Variants in NDUFAF2 observed in about 807,000 individuals in gnomAD.
The protein encoded by NDUFAF2 is NADH:ubiquinone oxidoreductase complex assembly factor 2.
In NDUFAF2, 13 loss-of-function variants were observed where a neutral mutation model predicts 22.8. The observed-to-expected ratio is 0.57, with a 90% confidence interval of 0.37 to 0.91. NDUFAF2 has a LOEUF of 0.91. NDUFAF2 is among the 40% of genes least tolerant of loss of function. NDUFAF2 has a pLI of 0.01. For missense variants in NDUFAF2, 162 were observed against 195.2 expected, an observed-to-expected ratio of 0.83 and a Z score of 1.01; for synonymous variants, 53 against 64.2, an observed-to-expected ratio of 0.83 and a Z score of 0.84.
intron 3 of NDUFAF2, among the ~76,000 whole-genome samples, chr5:61,121,819 C>CCTTTT (rs1366409144): frequency 6.7e-6 from 1 of 149,690 alleles, no homozygotes; most frequent in African/African-American, 2.4e-5. Context: ...TCTTTTCTTT[C>CCTTTT]CTTTTCTTTT....
intron 1 of NDUFAF2, among the ~76,000 whole-genome samples, chr5:61,059,497 A>G (rs1580117154): frequency 6.6e-6 from 1 of 152,238 alleles, no homozygotes; most frequent in East Asian, 1.9e-4. Flanking sequence ...GGACATTTTC[A>G]CTAATATAGG....
chr5:61,141,338 A>C (rs1741054479), intron 3 of NDUFAF2, among the ~76,000 whole-genome samples: 1 of 152,064 alleles, frequency 6.6e-6, no homozygotes, highest in South Asian at 2.1e-4. Flanking sequence ...ATCATATTAT[A>C]ATTTAATTTT....
intron 2 of NDUFAF2, among the ~76,000 whole-genome samples, chr5:61,073,855 A>G (rs1388599152): frequency 6.6e-6 from 1 of 152,240 alleles, no homozygotes; most frequent in Non-Finnish European, 1.5e-5. Flanking sequence ...GTCTACCATC[A>G]AAGTTTTATT....
chr5:60,952,669 G>T (rs1750563972), intron 1 of NDUFAF2, among the ~76,000 whole-genome samples: 4 of 151,938 alleles, frequency 2.6e-5, no homozygotes, highest in Admixed American at 2.0e-4. Context: ...TTGCTATTTG[G>T]GGTTGAATGT....
chr5:61,089,487 G>C (rs979645579), intron 2 of NDUFAF2, among the ~76,000 whole-genome samples: 3 of 152,080 alleles, frequency 2.0e-5, no homozygotes, highest in Admixed American at 6.6e-5. Flanking sequence ...TAGTAGTTGG[G>C]AAATTGGGTA....
rs1444085718 is a variant in NDUFAF2, at chr5:60,945,237, T to A, written c.-19T>A. Reference sequence around the variant, plus strand: ...CTGCGGGTCCCGCTGCTGGCAGCGCTGGAAACTGGGTGGACGGCATGGGTT... The same window carrying A: ...CTGCGGGTCCCGCTGCTGGCAGCGCAGGAAACTGGGTGGACGGCATGGGTT... On this transcript the variant is annotated 5_prime_UTR_variant, in exon 1 of 4. Coordinates refer to ENST00000296597, the MANE Select transcript of NDUFAF2 (RefSeq NM_174889.5). 1.2e-6 allele frequency: 2 copies of A among 1,611,514 alleles called. No homozygotes were observed. The highest frequency in any genetic ancestry group is 3.3e-5 in the Admixed American group (2 of 59,802).
chr5:60,957,159 A>C (rs1283756266), intron 1 of NDUFAF2, among the ~76,000 whole-genome samples: 2 of 152,052 alleles, frequency 1.3e-5, no homozygotes, highest in African/African-American at 2.4e-5. Context: ...ATTTTTAATT[A>C]TTGAATTAAA....
intron 1 of NDUFAF2, among the ~76,000 whole-genome samples, chr5:60,979,958 C>A (rs528715050): frequency 9.2e-5 from 14 of 151,920 alleles, no homozygotes; most frequent in Non-Finnish European, 4.4e-5. Flanking sequence ...CTCCAGGCAG[C>A]TCTGCACACA....
intron 3 of NDUFAF2, among the ~76,000 whole-genome samples, chr5:61,117,194 G>A (rs1013902523): frequency 1.2e-4 from 18 of 152,170 alleles, no homozygotes; most frequent in African/African-American, 4.1e-4. Flanking sequence ...TTTAAGTGCA[G>A]AGCCTGCTTT....
intron 2 of NDUFAF2, among the ~76,000 whole-genome samples, chr5:61,082,267 T>C (rs1170230567): frequency 6.6e-6 from 1 of 152,162 alleles, no homozygotes; most frequent in East Asian, 1.9e-4. Flanking sequence ...TGTACATATA[T>C]ACTTTATTTT....
intron 1 of NDUFAF2, among the ~76,000 whole-genome samples, chr5:61,020,916 G>T (rs1040872520): frequency 6.6e-6 from 1 of 150,900 alleles, no homozygotes; most frequent in African/African-American, 2.4e-5. Flanking sequence ...GGCTGGTCTC[G>T]AACTCCTGAC....
At chr5:61,040,286 A>ACACACACACACACG (rs1491193758) in intron 1 of NDUFAF2, among the ~76,000 whole-genome samples, 19 of 93,066 alleles carry the variant, frequency 2.0e-4, no homozygotes, top group African/African-American at 6.1e-4. Flanking sequence ...ACACACACAC[A>ACACACACACACACG]CGCGCGCGCG....
chr5:61,054,078 G>A (rs1752058566), intron 1 of NDUFAF2, among the ~76,000 whole-genome samples: 1 of 152,094 alleles, frequency 6.6e-6, no homozygotes, highest in Admixed American at 6.5e-5. Context: ...GCATGTGCCT[G>A]TAGTCCTAGC....
rs528248984 is a variant in NDUFAF2, at chr5:60,993,622, G to A, written c.127+48240G>A. Among the ~76,000 whole-genome samples, 28 of 152,218 alleles carry A rather than the reference G, an allele frequency of 1.8e-4. No homozygotes were observed. In the East Asian group the frequency reaches 4.9e-3, roughly 26 times the overall value. On this transcript the variant is annotated intron_variant, in intron 1 of 3. Transcript: ENST00000296597. ...AGCCCTCAGCAGATAGGAGGCCCTG[G>A]AGTGGGTAGTTCCTCTCTGCGGGTG...
At chr5:61,026,589 A>T (rs1011552387) in intron 1 of NDUFAF2, among the ~76,000 whole-genome samples, 8 of 152,112 alleles carry the variant, frequency 5.3e-5, no homozygotes, top group Non-Finnish European at 7.4e-5. Context: ...TATTGTAGGA[A>T]TATAATACGA....
intron 2 of NDUFAF2, among the ~76,000 whole-genome samples, chr5:61,094,117 T>C (rs969801098): frequency 2.6e-5 from 4 of 152,218 alleles, no homozygotes; most frequent in Non-Finnish European, 4.4e-5. Context: ...ATCTTTTAGA[T>C]ACACCAATCA....
intron 3 of NDUFAF2, chr5:61,115,184 C>T (rs75211259): frequency 0.013 from 1,995 of 152,538 alleles, 18 homozygotes; most frequent in Non-Finnish European, 0.021. Context: ...CTCCCCATGG[C>T]CACCACCACC....
At chr5:61,038,583 A>G (rs987448683) in intron 1 of NDUFAF2, among the ~76,000 whole-genome samples, 15 of 152,208 alleles carry the variant, frequency 9.9e-5, no homozygotes, top group African/African-American at 3.6e-4. Flanking sequence ...ATAATCTAAA[A>G]GCATTGCTAA....
intron 1 of NDUFAF2, among the ~76,000 whole-genome samples, chr5:61,004,284 C>T (rs1316357893): frequency 6.6e-6 from 1 of 151,952 alleles, no homozygotes; most frequent in Non-Finnish European, 1.5e-5. Context: ...AACATGATTT[C>T]CTGTGAATTA....
Sources: gnomAD v4.1 joint callset for allele counts (sites outside exome capture counted in the v4.1 genomes callset) on GRCh38, gnomAD v4.1.1 for gene constraint, MANE v1.5 for transcripts, NCBI Gene and HGNC (gene_info 2026-07-23, HGNC 2026-07-21) for gene names.